MAP3K15: variants seen among roughly 807,000 people sequenced by gnomAD.
MAP3K15 encodes the protein mitogen-activated protein kinase kinase kinase 15.
Under a neutral mutation model 99.5 loss-of-function variants are expected in MAP3K15, and 124 were observed. The ratio of observed to expected loss-of-function variants is 1.25; its 90% CI spans 1.08 to 1.45. MAP3K15 has a LOEUF of 1.45. Ranked by LOEUF, MAP3K15 falls within the 40% of genes most tolerant of loss-of-function variation. The pLI is 0.00. For missense variants in MAP3K15, 1,242 were observed against 1,079.7 expected, an observed-to-expected ratio of 1.15 and a Z score of -2.11; for synonymous variants, 494 against 439.6, an observed-to-expected ratio of 1.12 and a Z score of -1.55.
chrX:19,380,206 A>G lies in MAP3K15; in HGVS notation c.2503T>C (p.Trp835Arg), dbSNP rs747048982. 2.5e-6 allele frequency: 3 copies of G among 1,208,333 alleles called. No individual in the cohort carries two copies. Among genetic ancestry groups the G allele is most frequent in the Non-Finnish European group, 3.4e-6 (3 of 893,975 alleles). The change falls in exon 19 of 29, where the codon TGG becomes CGG. Residue 835 changes from tryptophan (W) to arginine (R), a missense_variant. Transcript: ENST00000338883. ...TCAATGATGGTGCAGCCCAGGGACC[A>G]GATATCGGCTGGGGCACCATATCCG... ...PRGYGAPADIWSLGCTIIEMA... is the reference protein window; with the variant it reads ...PRGYGAPADIRSLGCTIIEMA...
Position 19,456,904 on chromosome X carries a change from C to T in MAP3K15, c.995+9G>A, listed in dbSNP as rs754847364. On this transcript the variant is annotated intron_variant, in intron 6 of 28. Coordinates refer to ENST00000338883, the MANE Select transcript of MAP3K15 (RefSeq NM_001001671.4). Reference sequence around the variant, plus strand: ...GTTTCAAAACCTGTACGTACATTATCGTTCTTACCTATTCAGTGCAAACGC... The same window carrying T: ...GTTTCAAAACCTGTACGTACATTATTGTTCTTACCTATTCAGTGCAAACGC... 8.7e-6 allele frequency: 10 copies of T among 1,151,483 alleles called. No homozygotes were observed. The highest frequency in any genetic ancestry group is 1.2e-5 in the Non-Finnish European group (10 of 854,629). The allele number at this position is 1,151,483 out of a possible 1,213,427, so 94.9% of individuals were successfully genotyped here.
intron 6 of MAP3K15, among the ~76,000 whole-genome samples, chrX:19,453,600 C>G (rs748488199): frequency 1.8e-5 from 2 of 110,532 alleles, no homozygotes; most frequent in African/African-American, 3.3e-5. Context: ...ACATTTTGGG[C>G]CCTTGCCTTT....
chrX:19,369,275 G>A, intron 24 of MAP3K15, 56 bp from the exon 25 acceptor site: 2 of 1,182,794 alleles, frequency 1.7e-6, no homozygotes, highest in Non-Finnish European at 1.1e-6. Flanking sequence ...TGGGGCCTGG[G>A]GTCGCAGACA....
intron 16 of MAP3K15, among the ~76,000 whole-genome samples, chrX:19,392,974 G>T (rs1430509226): frequency 9.0e-6 from 1 of 110,685 alleles, no homozygotes; most frequent in African/African-American, 3.3e-5. Flanking sequence ...ACTGGAGGAA[G>T]TTGGGTCTCT....
intron 3 of MAP3K15, among the ~76,000 whole-genome samples, chrX:19,480,208 C>T (rs1310991820): frequency 1.8e-5 from 2 of 111,688 alleles, no homozygotes; most frequent in Non-Finnish European, 3.8e-5. Flanking sequence ...TCAATACCAG[C>T]CAAGCAATCT....
Position 19,369,920 on chromosome X carries a change from A to G in MAP3K15, c.3401-701T>C, listed in dbSNP as rs774241701. On this transcript the variant is annotated intron_variant, in intron 24 of 28. Coordinates refer to ENST00000338883, the MANE Select transcript of MAP3K15 (RefSeq NM_001001671.4). ...GCAAGACTCTGTCTCAGAAAAAAAA[A>G]AAAAGAAAAGAAAGAAATAAGTAGA... Among the ~76,000 whole-genome samples, 3 of 111,154 alleles carry G rather than the reference A, an allele frequency of 2.7e-5. No homozygotes were observed. The East Asian group carries it at 8.4e-4, about 31-fold the overall frequency.
At chrX:19,464,827 G>A (rs1249218681) in intron 3 of MAP3K15, among the ~76,000 whole-genome samples, 1 of 111,700 alleles carries the variant, frequency 9.0e-6, no homozygotes, top group Non-Finnish European at 1.9e-5. Flanking sequence ...CTATAGGTGA[G>A]CTATTATAAA....
In MAP3K15 at chrX:19,392,330, A is replaced by G. The variant is rs767715288; in HGVS notation, c.2325+13T>C. ...GAGCAAAGGCAACCTCGTCAGCTTA[A>G]AAAAGCAAGTACCTTTATGTCTCTG... On this transcript the variant is annotated intron_variant, in intron 17 of 28. Coordinates refer to ENST00000338883, the MANE Select transcript of MAP3K15 (RefSeq NM_001001671.4). 3.0e-5 allele frequency: 36 copies of G among 1,200,334 alleles called. No individual in the cohort carries two copies. Among genetic ancestry groups the G allele is most frequent in the Non-Finnish European group, 3.7e-5 (33 of 891,224 alleles).
intron 6 of MAP3K15, among the ~76,000 whole-genome samples, chrX:19,435,831 A>G (rs2063916923): frequency 8.9e-6 from 1 of 112,466 alleles, no homozygotes; most frequent in Non-Finnish European, 1.9e-5. Flanking sequence ...AAACTTTGAC[A>G]GTGGGTCTGA....
Position 19,426,248 on chromosome X carries a change from A to G in MAP3K15, c.1262T>C (p.Leu421Ser), listed in dbSNP as rs764169055. Reference sequence around the variant, plus strand: ...AGCTTTACCTATTTTCCTTAGTTCCAAGGAAGTTTCAAATTGTTGTCCAGC... The same window carrying G: ...AGCTTTACCTATTTTCCTTAGTTCCGAGGAAGTTTCAAATTGTTGTCCAGC... Reference protein sequence around the residue: ...IVAGQQFETSLELRKIGVRLN... With the variant: ...IVAGQQFETSSELRKIGVRLN... Residue 421 changes from leucine (L) to serine (S), a missense_variant, in exon 8 of 29, where the codon TTG becomes TCG. Physicochemically the swap from Leu to Ser is moderately radical, Grantham distance 145. Coordinates refer to ENST00000338883, the MANE Select transcript of MAP3K15 (RefSeq NM_001001671.4). 30 of 1,136,971 alleles carry G rather than the reference A, an allele frequency of 2.6e-5. No individual in the cohort carries two copies. Among genetic ancestry groups the G allele is most frequent in the Non-Finnish European group, 3.2e-5 (27 of 855,871 alleles). 93.7% of individuals were successfully genotyped at this position (1,136,971 alleles called of 1,213,427 possible).
At chrX:19,461,225 C>G (rs895478327) in intron 4 of MAP3K15, among the ~76,000 whole-genome samples, 2 of 111,867 alleles carry the variant, frequency 1.8e-5, no homozygotes, top group Non-Finnish European at 3.8e-5. Context: ...GTGATCCACC[C>G]GCCTCGGCCT....
rs184962601 is a variant in MAP3K15, at chrX:19,510,379, G to A, written c.361+4522C>T. The stretch of plus-strand genomic sequence containing the variant: ...AAGTCGGCTTCATCCCTGAATGCAA[G>A]GCTGGTTCAACATACGCAAATCAAC... On this transcript the variant is annotated intron_variant, in intron 1 of 28. Transcript: ENST00000338883. Among the ~76,000 whole-genome samples the A allele has an allele frequency of 5.0e-3, 558 of 111,963 alleles. 14 individuals are homozygous for A. Among genetic ancestry groups the A allele is most frequent in the Admixed American group, 0.049 (518 of 10,481 alleles).
At chrX:19,456,818 C>A in intron 6 of MAP3K15, 95 bp downstream of exon 6, 1 of 595,642 alleles carries the variant, frequency 1.7e-6, no homozygotes, top group Non-Finnish European at 2.6e-6. Context: ...GCATTTAGCA[C>A]GTGACCTGGC....
At chrX:19,507,836 A>G (rs1230779870) in intron 1 of MAP3K15, among the ~76,000 whole-genome samples, 2 of 110,396 alleles carry the variant, frequency 1.8e-5, no homozygotes, top group Non-Finnish European at 3.8e-5. Context: ...AACTATTTTA[A>G]AAAAAGTTCT....
chrX:19,410,252 T>C (rs983645063), intron 11 of MAP3K15, among the ~76,000 whole-genome samples: 1 of 112,532 alleles, frequency 8.9e-6, no homozygotes, highest in Non-Finnish European at 1.9e-5. Context: ...ACACAGTGAG[T>C]GGCTTTTCAT....
rs1292552007 is a variant in MAP3K15 at position 19,409,866 on chromosome X, TAA to T, written c.1748+56_1748+57del. The T allele has an allele frequency of 1.7e-5, 16 of 947,112 alleles. 1 individual carries two copies. Among genetic ancestry groups the T allele is most frequent in the Non-Finnish European group, 2.3e-5 (15 of 666,284 alleles). The allele number at this position is 947,112 out of a possible 1,213,427, so 78.1% of individuals were successfully genotyped here. ...GAGTAAGTGGAAACATTAAAGTGCA[TAA>T]AACATTATCATCATTTGCATTAAAA... On this transcript the variant is annotated intron_variant, in intron 12 of 28. Transcript: ENST00000338883.
At chrX:19,486,172 T>C (rs1442038863) in intron 3 of MAP3K15, among the ~76,000 whole-genome samples, 1 of 111,485 alleles carries the variant, frequency 9.0e-6, no homozygotes, top group African/African-American at 3.3e-5. Flanking sequence ...TGGTGGTCCA[T>C]GGAACATCGA....
intron 3 of MAP3K15, among the ~76,000 whole-genome samples, chrX:19,479,904 A>C (rs1602341597): frequency 8.9e-6 from 1 of 112,779 alleles, no homozygotes; most frequent in East Asian, 2.8e-4. Flanking sequence ...CTGACCAAAA[A>C]GTCAATTACA....
At chrX:19,498,321 G>A (rs2064420109) in intron 1 of MAP3K15, among the ~76,000 whole-genome samples, 1 of 110,976 alleles carries the variant, frequency 9.0e-6, no homozygotes, top group Non-Finnish European at 1.9e-5. Context: ...GCAGGTGGGG[G>A]AGGGTGCTGA....
Sources: allele counts gnomAD v4.1 joint callset (sites outside exome capture counted in the v4.1 genomes callset), GRCh38; gene constraint gnomAD v4.1.1; transcripts MANE v1.5; gene names NCBI Gene and HGNC (gene_info 2026-07-23, HGNC 2026-07-21).